The following PZP variants were observed in gnomAD, a reference collection of about 807,000 sequenced individuals.
The protein encoded by PZP is PZP alpha-2-macroglobulin like, also known as pregnancy zone protein.
In PZP, 150 loss-of-function variants were observed where a neutral mutation model predicts 179.8. The ratio of observed to expected loss-of-function variants is 0.83; its 90% CI spans 0.73 to 0.96. The LOEUF (loss-of-function observed/expected upper bound fraction) is 0.96. Among genes scored for constraint, PZP ranks in the 40% least tolerant of loss-of-function variants. The pLI is 0.00. For synonymous variants in PZP, 624 were observed against 652.3 expected, an observed-to-expected ratio of 0.96 and a Z score of 0.66; for missense variants, 1,689 against 1,764.0, an observed-to-expected ratio of 0.96 and a Z score of 0.76.
chr12:9,183,101 G>T (rs1262208708), intron 13 of PZP, among the ~76,000 whole-genome samples: 1 of 152,048 alleles, frequency 6.6e-6, no homozygotes, highest in African/African-American at 2.4e-5. Flanking sequence ...AACTATAATT[G>T]ATTTTATTTT....
chr12:9,192,154 G>A, intron 13 of PZP, 39 bp downstream of exon 13: 1 of 1,550,972 alleles, frequency 6.4e-7, no homozygotes, highest in Non-Finnish European at 8.9e-7. Flanking sequence ...GTAAGGATGT[G>A]TTAGGGGAGC....
Position 9,161,020 on chromosome 12 carries a change from G to A in PZP, c.2872+13C>T, listed in dbSNP as rs199624463. The A allele has an allele frequency of 6.4e-7, 1 of 1,550,800 alleles. No homozygotes were observed. Among genetic ancestry groups the A allele is most frequent in the South Asian group, 1.1e-5 (1 of 89,770 alleles). ...TCTTTTGGCCCAGGTTTACTAAATG[G>A]AAGGTGACTCACCCAGAACTGAGAA... is the stretch of plus-strand genomic sequence containing the variant. On this transcript the variant is annotated intron_variant, in intron 23 of 35. Transcript: ENST00000261336.
At chr12:9,140,189 A>G in the PZP span, among the ~76,000 whole-genome samples, 1 of 152,224 alleles carries the variant, frequency 6.6e-6, no homozygotes, top group Non-Finnish European at 1.5e-5. Context: ...TGAAATGGCC[A>G]TGATCCTGTC....
chr12:9,178,132 C>T (rs1044769467), intron 15 of PZP, among the ~76,000 whole-genome samples: 2 of 152,166 alleles, frequency 1.3e-5, no homozygotes, highest in South Asian at 2.1e-4. Flanking sequence ...CCCCAATCTG[C>T]GGTTTTGGTT....
In PZP at chr12:9,161,774, A is replaced by T. The variant is rs187164006; in HGVS notation, c.2789-658T>A. 2.6e-5 allele frequency among the ~76,000 whole-genome samples: 4 copies of T among 152,344 alleles called. No individual in the cohort carries two copies. The East Asian group carries it at 7.7e-4, about 29-fold the overall frequency. On this transcript the variant is annotated intron_variant, in intron 22 of 35. Coordinates refer to ENST00000261336, the MANE Select transcript of PZP (RefSeq NM_002864.3). ...AGAACTAATAATGTGGCGGTTCTGT[A>T]TAAAAGCTACAACTACTTCTTAATG...
chr12:9,145,941 C>T (rs985189296), downstream of PZP, among the ~76,000 whole-genome samples: 3 of 152,104 alleles, frequency 2.0e-5, no homozygotes, highest in African/African-American at 4.8e-5. Flanking sequence ...TCTTACAAGT[C>T]ACTGTTCTCT....
At chr12:9,204,030 A>T in intron 1 of PZP, 79 bp from the exon 2 acceptor site, 2 of 1,318,530 alleles carry the variant, frequency 1.5e-6, no homozygotes, top group Non-Finnish European at 2.1e-6. Context: ...TTTCATAACA[A>T]TATGTATTAA....
At chr12:9,181,175 TC>T in intron 14 of PZP, 43 bp from the exon 15 acceptor site, 1 of 1,613,034 alleles carries the variant, frequency 6.2e-7, no homozygotes, top group Non-Finnish European at 8.5e-7. Context: ...TTTCCCTACT[TC>T]TGTGATCTTG....
chr12:9,136,545 A>T, the PZP span, among the ~76,000 whole-genome samples: 1 of 152,186 alleles, frequency 6.6e-6, no homozygotes, highest in Non-Finnish European at 1.5e-5. Flanking sequence ...GTGTGCATAT[A>T]TATATGCATG....
intron 13 of PZP, among the ~76,000 whole-genome samples, chr12:9,187,443 C>T (rs1255481516): frequency 6.6e-6 from 1 of 152,180 alleles, no homozygotes; most frequent in African/African-American, 2.4e-5. Flanking sequence ...TAAAACTATC[C>T]TCAGCAAATT....
At chr12:9,185,225 GA>G (rs1334198532) in intron 13 of PZP, among the ~76,000 whole-genome samples, 1 of 152,150 alleles carries the variant, frequency 6.6e-6, no homozygotes, top group East Asian at 1.9e-4. Context: ...AGCCAGTATA[GA>G]AAAGAACATA....
Position 9,168,893 on chromosome 12 carries a change from C to T in PZP, c.2083G>A (p.Ala695Thr). The change falls in exon 17 of 36, where the codon GCA (alanine) becomes ACA (threonine). Residue 695 changes from alanine to threonine, a missense_variant. By Grantham distance (58) the Ala-to-Thr change is moderately conservative. This residue lies in a region of PZP where 201 missense variants were observed against 284.2 expected (regional missense o/e 0.71). Transcript: ENST00000261336. ...CCTCCATAGTATCCTTGACCTACTG[C>T]TCCTGCAGACACGGAAGGGATGACT... The part of the protein sequence containing the change: ...CSVIPSVSAG[A>T]VGQGYYGAGL... 12 of 1,613,926 alleles carry T rather than the reference C, an allele frequency of 7.4e-6. No homozygotes were observed. Among genetic ancestry groups the T allele is most frequent in the Non-Finnish European group, 1.0e-5 (12 of 1,179,834 alleles).
Position 9,177,134 on chromosome 12 carries a change from T to C in PZP, c.1839+3849A>G, listed in dbSNP as rs143411728. Among the ~76,000 whole-genome samples the C allele has an allele frequency of 3.9e-4, 60 of 152,278 alleles. No individual in the cohort carries two copies. In the East Asian group the frequency reaches 8.1e-3, roughly 21 times the overall value. On this transcript the variant is annotated intron_variant, in intron 15 of 35. Transcript: ENST00000261336. ...ATTGTTCGTCGCACAATGAATAGGGTTGACCTCTGTAGCCAATGGGATATT... is the reference window on the plus strand; with the variant it reads ...ATTGTTCGTCGCACAATGAATAGGGCTGACCTCTGTAGCCAATGGGATATT...
Position 9,196,561 on chromosome 12 carries a change from T to C in PZP, c.982+10A>G, listed in dbSNP as rs1943785922. ...TTGTTTTATTTCCCATATTCGTTCATTACTCACACCTGTCCCCTCTTCTCT... is the reference window on the plus strand; with the variant it reads ...TTGTTTTATTTCCCATATTCGTTCACTACTCACACCTGTCCCCTCTTCTCT... On this transcript the variant is annotated intron_variant, in intron 9 of 35. Transcript: ENST00000261336. 2 of 1,590,474 alleles carry C rather than the reference T, an allele frequency of 1.3e-6. No homozygotes were observed. The highest frequency in any genetic ancestry group is 1.7e-6 in the Non-Finnish European group (2 of 1,158,686).
rs776640644 is a variant in PZP, at chr12:9,153,318, A to G, written c.3800T>C (p.Leu1267Pro). The G allele has an allele frequency of 3.4e-5, 55 of 1,613,664 alleles. No individual in the cohort carries two copies. In the East Asian group the frequency reaches 1.2e-3, roughly 35 times the overall value. ...GAAAGTGGCTGCTCCATACCTGGACAGGGCATGGAGAGCCACCACTGTGTC... is the reference window on the plus strand; with the variant it reads ...GAAAGTGGCTGCTCCATACCTGGACGGGGCATGGAGAGCCACCACTGTGTC... ...TQDTVVALHA[L>P]SRYGAATFTR... The change falls in exon 30 of 36, where the codon CTG (leucine) becomes CCG (proline). Residue 1267 changes from leucine to proline, a missense_variant. By Grantham distance (98) the Leu-to-Pro change is moderately conservative. Coordinates refer to ENST00000261336, the MANE Select transcript of PZP (RefSeq NM_002864.3).
rs757372176 is a variant in PZP at position 9,164,270 on chromosome 12, A to T, written c.2488-11T>A. On this transcript the variant is annotated splice_polypyrimidine_tract_variant and intron_variant, in intron 19 of 35. Coordinates refer to ENST00000261336, the MANE Select transcript of PZP (RefSeq NM_002864.3). ...CAGCTGCACACTGACCTATCACCCCATGTGAGGCAGAGACAGAAATGATCA... is the reference window on the plus strand; with the variant it reads ...CAGCTGCACACTGACCTATCACCCCTTGTGAGGCAGAGACAGAAATGATCA... 1.2e-6 allele frequency: 2 copies of T among 1,611,354 alleles called. No homozygotes were observed. The highest frequency in any genetic ancestry group is 1.7e-5 in the Admixed American group (1 of 59,844).
At chr12:9,190,124 C>G (rs1350307547) in intron 13 of PZP, among the ~76,000 whole-genome samples, 4 of 151,950 alleles carry the variant, frequency 2.6e-5, no homozygotes, top group Non-Finnish European at 5.9e-5. Flanking sequence ...TCATTTGACC[C>G]AAGAATCCCA....
intron 29 of PZP, among the ~76,000 whole-genome samples, chr12:9,154,214 C>T (rs1206901904): frequency 2.0e-5 from 3 of 152,136 alleles, no homozygotes; most frequent in Non-Finnish European, 2.9e-5. Context: ...CTGGAAGTGA[C>T]GTGCTACTGG....
chr12:9,148,437 A>C (rs561857771), downstream of PZP, among the ~76,000 whole-genome samples: 2 of 152,044 alleles, frequency 1.3e-5, no homozygotes, highest in African/African-American at 2.4e-5. Flanking sequence ...TAGATGGTTT[A>C]TCTAAATCCT....
Sources: gnomAD v4.1 joint callset for allele counts (sites outside exome capture counted in the v4.1 genomes callset) on GRCh38, gnomAD v4.1.1 for gene constraint, gnomAD v4.1.1 regional missense constraint, MANE v1.5 for transcripts, NCBI Gene and HGNC (gene_info 2026-07-23, HGNC 2026-07-21) for gene names.